The following RIC8A variants were observed in gnomAD, a reference collection of about 807,000 sequenced individuals.
The protein encoded by RIC8A is chaperone Ric-8A.
Under a neutral mutation model 48.4 loss-of-function variants are expected in RIC8A, and 37 were observed. The ratio of observed to expected loss-of-function variants is 0.77; its 90% CI spans 0.59 to 1.01. The LOEUF is 1.01. Ranked by LOEUF, RIC8A falls within the 50% of genes least tolerant of loss-of-function variation. RIC8A has a pLI of 0.00. For missense variants in RIC8A, 681 were observed against 696.8 expected, an observed-to-expected ratio of 0.98 and a Z score of 0.25; for synonymous variants, 288 against 283.4, an observed-to-expected ratio of 1.02 and a Z score of -0.16.
At chr11:209,129 T>A in intron 1 of RIC8A, 142 bp from the exon 2 acceptor site, 1 of 1,115,692 alleles carries the variant, frequency 9.0e-7, no homozygotes. Flanking sequence ...GTGGCAGGCG[T>A]GTAGGGATGG....
chr11:210,385 A>G, intron 3 of RIC8A, 186 bp from the exon 4 acceptor site: 1 of 719,396 alleles, frequency 1.4e-6, no homozygotes, highest in Non-Finnish European at 2.6e-6. Flanking sequence ...GGAAGACAGC[A>G]GTGGTCATCT....
At position 211,048 on chromosome 11, in the gene RIC8A, A is replaced by G. The variant is rs1320137068; in HGVS notation, c.819-151A>G. On this transcript the variant is annotated intron_variant, in intron 4 of 9. Coordinates refer to ENST00000526104, the MANE Select transcript of RIC8A (RefSeq NM_001286134.2). This position sits in a 1 kb window ranked among gnomAD's most constrained non-coding sequence, Gnocchi z 4.0. The stretch of plus-strand genomic sequence containing the variant: ...ACAGCTGAGTGGCAGTGCCTCTCAG[A>G]TCAGTCCCTGCCCTTGGCTTTGGTC... 19 of 778,444 alleles carry G rather than the reference A, an allele frequency of 2.4e-5. No individual in the cohort carries two copies. Among genetic ancestry groups the G allele is most frequent in the Non-Finnish European group, 2.5e-5 (12 of 486,456 alleles). 48.2% of individuals were successfully genotyped at this position (778,444 alleles called of 1,614,324 possible). A position where few individuals can be genotyped will look rare whatever the true frequency, so the allele number is the denominator to read the frequency against.
chr11:208,685 C>T lies in RIC8A; in HGVS notation c.-170C>T, dbSNP rs943430077. The T allele has an allele frequency of 7.7e-6, 4 of 517,832 alleles. No individual in the cohort carries two copies. The highest frequency in any genetic ancestry group is 1.3e-5 in the Non-Finnish European group (4 of 298,912). The allele number at this position is 517,832 out of a possible 1,614,324, so 32.1% of individuals were successfully genotyped here. On this transcript the variant is annotated 5_prime_UTR_variant, in exon 1 of 10. Coordinates refer to ENST00000526104, the MANE Select transcript of RIC8A (RefSeq NM_001286134.2). The surrounding 1 kb of genome is among the most constrained non-coding windows in gnomAD (Gnocchi z 4.8). ...CCGCCAGTTCTGCCTCAGGCCGCGC[C>T]CCCTTAAAGCGCCACCAGACGCTGC...
At position 212,084 on chromosome 11, in the gene RIC8A, G is replaced by C. The variant is rs372243259; in HGVS notation, c.970-332G>C. Reference sequence around the variant, plus strand: ...CAACATCTGAGGGCAATGTGTGTGCGAGTCTAAAGCTTTAATTGCTTTGTG... The same window carrying C: ...CAACATCTGAGGGCAATGTGTGTGCCAGTCTAAAGCTTTAATTGCTTTGTG... On this transcript the variant is annotated intron_variant, in intron 5 of 9. Coordinates refer to ENST00000526104, the MANE Select transcript of RIC8A (RefSeq NM_001286134.2). 2.2e-5 allele frequency: 7 copies of C among 319,420 alleles called. No homozygotes were observed. In the South Asian group the frequency reaches 2.3e-4, roughly 11 times the overall value. 19.8% of individuals were successfully genotyped at this position (319,420 alleles called of 1,614,324 possible).
rs766172137 is a variant in RIC8A, at chr11:211,286, C to G, written c.906C>G (p.Phe302Leu). 2 of 1,614,136 alleles carry G rather than the reference C, an allele frequency of 1.2e-6. No homozygotes were observed. Among genetic ancestry groups the G allele is most frequent in the Non-Finnish European group, 1.7e-6 (2 of 1,179,994 alleles). The change falls in exon 5 of 10, where the codon TTC becomes TTG. Residue 302 changes from phenylalanine to leucine, a missense_variant. Phe to Leu is a conservative substitution (Grantham distance 22, BLOSUM62 0). Transcript: ENST00000526104. The surrounding 1 kb of genome is among the most constrained non-coding windows in gnomAD (Gnocchi z 4.0). ...AGCCACATGGAGACTCCACGGAGTT[C>G]ATGGGAGTGAATATGGATGTGATTC... is the stretch of plus-strand genomic sequence containing the variant. ...TLEPHGDSTE[F>L]MGVNMDVIRA...
chr11:208,337 T>C lies in RIC8A; in HGVS notation c.-518T>C, dbSNP rs1855238961. 6.5e-6 allele frequency: 1 copy of C among 152,912 alleles called. No homozygotes were observed. The highest frequency in any genetic ancestry group is 1.5e-5 in the Non-Finnish European group (1 of 68,406). 9.5% of individuals were successfully genotyped at this position (152,912 alleles called of 1,614,324 possible). A position where few individuals can be genotyped will look rare whatever the true frequency, so the allele number is the denominator to read the frequency against. On this transcript the variant is annotated 5_prime_UTR_variant, in exon 1 of 10. Transcript: ENST00000526104. The surrounding 1 kb of genome is among the most constrained non-coding windows in gnomAD (Gnocchi z 4.8). ...CTGTGACCGCCTCGTGTCCTTTTGT[T>C]TTTCCTTGTCCCCCTTCCCCTCTGG... is the stretch of plus-strand genomic sequence containing the variant.
intron 9 of RIC8A, 160 bp from the exon 10 acceptor site, chr11:214,070 G>A: frequency 1.3e-6 from 1 of 773,742 alleles, no homozygotes; most frequent in Non-Finnish European, 2.0e-6. Context: ...GGAGGCAGCA[G>A]TTAGGGTTTG....
At position 213,346 on chromosome 11, in the gene RIC8A, T is replaced by C. The variant is rs1175306912; in HGVS notation, c.1403T>C (p.Met468Thr). The part of the protein sequence containing the change: ...GRVEEKPPNP[M>T]EGMTEEQKEH... ...GTGGAGGAGAAGCCGCCTAACCCTA[T>C]GGAGGGCATGACAGAGGAGCAGAAG... Residue 468 changes from methionine (M) to threonine (T), a missense_variant, in exon 9 of 10, where the codon ATG becomes ACG. Met to Thr is a moderately conservative substitution (Grantham distance 81). Transcript: ENST00000526104. The C allele has an allele frequency of 6.2e-7, 1 of 1,613,464 alleles. No homozygotes were observed.
At position 208,966 on chromosome 11, in the gene RIC8A, G is replaced by A. The variant is rs1281774849; in HGVS notation, c.84+28G>A. 9 of 1,541,484 alleles carry A rather than the reference G, an allele frequency of 5.8e-6. No homozygotes were observed. Among genetic ancestry groups the A allele is most frequent in the Non-Finnish European group, 8.0e-6 (9 of 1,131,208 alleles). On this transcript the variant is annotated intron_variant, in intron 1 of 9. Transcript: ENST00000526104. This position sits in a 1 kb window ranked among gnomAD's most constrained non-coding sequence, Gnocchi z 4.8. Reference sequence around the variant, plus strand: ...AAGCGGCCGCCTGAGGCCGGGGGGCGGGCACGGAGGGGGTGGGGCAGGGTC... The same window carrying A: ...AAGCGGCCGCCTGAGGCCGGGGGGCAGGCACGGAGGGGGTGGGGCAGGGTC...
chr11:214,162 G>A (rs761394988), intron 9 of RIC8A, 68 bp from the exon 10 acceptor site: 5 of 1,554,084 alleles, frequency 3.2e-6, no homozygotes, highest in African/African-American at 1.3e-5. Flanking sequence ...TAGCAGCCAC[G>A]GGTGAGTAGG....
chr11:213,005 G>C (rs553963905), intron 8 of RIC8A, 24 bp downstream of exon 8: 2 of 1,530,396 alleles, frequency 1.3e-6, no homozygotes, highest in African/African-American at 2.8e-5. Flanking sequence ...ACACACCCTC[G>C]GGTCTCCACT....
At chr11:212,227 G>C in intron 5 of RIC8A, 189 bp from the exon 6 acceptor site, 1 of 605,326 alleles carries the variant, frequency 1.7e-6, no homozygotes, top group Non-Finnish European at 2.9e-6. Context: ...CTTTTCAAAA[G>C]TGACACAGAC....
intron 9 of RIC8A, 24 bp downstream of exon 9, chr11:213,442 C>G: frequency 6.4e-7 from 1 of 1,561,202 alleles, no homozygotes; most frequent in South Asian, 1.2e-5. Flanking sequence ...GGAGGAGGGG[C>G]CTGCAGCTGG....
rs767299912 is a variant in RIC8A at position 213,392 on chromosome 11, G to A, written c.1449G>A (p.Leu483=). The A allele has an allele frequency of 1.9e-6, 3 of 1,601,082 alleles. No homozygotes were observed. The highest frequency in any genetic ancestry group is 3.4e-5 in the Admixed American group (2 of 58,094). The change falls in exon 9 of 10, where the codon CTG becomes CTA. Residue 483 remains leucine, a synonymous_variant. Transcript: ENST00000526104. ...AGAAGGAGCACGAGGCCATGAAGCT[G>A]GTGACCATGTTTGACAAGCTCTCCA... is the stretch of plus-strand genomic sequence containing the variant. ...EEQKEHEAMK[L]VTMFDKLSRN...
chr11:209,925 G>C lies in RIC8A; in HGVS notation c.651G>C (p.Glu217Asp), dbSNP rs1426652188. 6.2e-7 allele frequency: 1 copy of C among 1,605,804 alleles called. No individual in the cohort carries two copies. Among genetic ancestry groups the C allele is most frequent in the Non-Finnish European group, 8.5e-7 (1 of 1,179,950 alleles). Residue 217 changes from glutamate (E) to aspartate (D), a missense_variant, in exon 3 of 10, where the codon GAG (glutamate) becomes GAC (aspartate). Transcript: ENST00000526104. ...CACCCACGCTCCTTCCTTCCCAAGA[G>C]ACTGAGCGGGCCATGGAGATCCTCA... The part of the protein sequence containing the change: ...NPPPTLLPSQ[E>D]TERAMEILKV...
intron 5 of RIC8A, 54 bp from the exon 6 acceptor site, chr11:212,362 G>A (rs1223040345): frequency 1.5e-5 from 23 of 1,552,946 alleles, no homozygotes; most frequent in Non-Finnish European, 1.9e-5. Flanking sequence ...GTAACTCTGT[G>A]CCAGTCACAA....
chr11:209,254 A>G lies in RIC8A; in HGVS notation c.85-17A>G. Reference sequence around the variant, plus strand: ...CCTACCCCTCTGTGGATTTGAATTCACTAGTTCTCTCTGCAGCACTCCCAG... The same window carrying G: ...CCTACCCCTCTGTGGATTTGAATTCGCTAGTTCTCTCTGCAGCACTCCCAG... On this transcript the variant is annotated splice_polypyrimidine_tract_variant and intron_variant, in intron 1 of 9. Transcript: ENST00000526104. 6.2e-7 allele frequency: 1 copy of G among 1,614,032 alleles called. No homozygotes were observed. The highest frequency in any genetic ancestry group is 8.5e-7 in the Non-Finnish European group (1 of 1,179,992).
Position 209,256 on chromosome 11 carries a change from T to G in RIC8A, c.85-15T>G. 1 of 1,614,102 alleles carries G rather than the reference T, an allele frequency of 6.2e-7. No individual in the cohort carries two copies. Among genetic ancestry groups the G allele is most frequent in the East Asian group, 2.2e-5 (1 of 44,856 alleles). The stretch of plus-strand genomic sequence containing the variant: ...TACCCCTCTGTGGATTTGAATTCAC[T>G]AGTTCTCTCTGCAGCACTCCCAGAG... On this transcript the variant is annotated splice_polypyrimidine_tract_variant and intron_variant, in intron 1 of 9. Transcript: ENST00000526104.
Position 214,372 on chromosome 11 carries a change from C to T in RIC8A, c.*22C>T, listed in dbSNP as rs370734547. On this transcript the variant is annotated 3_prime_UTR_variant, in exon 10 of 10. Transcript: ENST00000526104. ...CTGAGGATGGCAGCTCTTCTGCTCCCCCATCAGGACTGGTGCTGCTTCCAG... is the reference window on the plus strand; with the variant it reads ...CTGAGGATGGCAGCTCTTCTGCTCCTCCATCAGGACTGGTGCTGCTTCCAG... 3.1e-5 allele frequency: 49 copies of T among 1,571,490 alleles called. No homozygotes were observed. The highest frequency in any genetic ancestry group is 4.2e-5 in the Non-Finnish European group (49 of 1,157,586).
Sources: gnomAD v4.1 joint callset for allele counts on GRCh38, gnomAD v4.1.1 for gene constraint, Gnocchi (gnomAD v3.1) non-coding constraint, MANE v1.5 for transcripts, NCBI Gene and HGNC (gene_info 2026-07-23, HGNC 2026-07-21) for gene names.